The following MYO7A variants were observed in gnomAD, a reference collection of about 807,000 sequenced individuals.
MYO7A encodes myosin VIIA.
MYO7A carries 210 observed loss-of-function variants against 263.8 expected under a neutral mutation model. The observed-to-expected ratio is 0.80, with a 90% CI of 0.71 to 0.89. The LOEUF is 0.89. MYO7A is among the 40% of genes least tolerant of loss of function. MYO7A has a pLI of 0.00. For missense variants in MYO7A, 2,820 were observed against 2,968.3 expected (o/e 0.95, Z 1.16); for synonymous variants, 1,239 against 1,197.3 (o/e 1.03, Z -0.72).
At chr11:77,199,497 G>A (rs1373444374) in intron 34 of MYO7A, 38 bp from the exon 35 acceptor site, 1 of 1,442,994 alleles carries the variant, frequency 6.9e-7, no homozygotes, top group East Asian at 2.5e-5. Context: ...CCCACTGGTT[G>A]GGGCATGACT....
In MYO7A at chr11:77,213,845, T is replaced by C. The variant is rs775826284; in HGVS notation, c.6439-15T>C. On this transcript the variant is annotated splice_polypyrimidine_tract_variant and intron_variant, in intron 47 of 48. Transcript: ENST00000409709. ...GCCCAGGCCGTGCCTCTCTATGCCCTTTCTGCTCCCCCAGGATATCCTCAC... is the reference window on the plus strand; with the variant it reads ...GCCCAGGCCGTGCCTCTCTATGCCCCTTCTGCTCCCCCAGGATATCCTCAC... 1.4e-5 allele frequency: 23 copies of C among 1,613,966 alleles called. No homozygotes were observed. Among genetic ancestry groups the C allele is most frequent in the Non-Finnish European group, 1.9e-5 (22 of 1,179,864 alleles).
intron 4 of MYO7A, 132 bp from the exon 5 acceptor site, chr11:77,155,775 G>C: frequency 1.0e-6 from 1 of 997,328 alleles, no homozygotes; most frequent in East Asian, 2.7e-5. Flanking sequence ...TCTGGCTCCA[G>C]GTCCACCCAC....
intron 9 of MYO7A, 44 bp from the exon 10 acceptor site, chr11:77,159,403 G>GCCCCCCCCCCCCCC: frequency 1.4e-6 from 1 of 711,722 alleles, no homozygotes; most frequent in Non-Finnish European, 2.5e-6. Flanking sequence ...TGCCCCTGTT[G>GCCCCCCCCCCCCCC]CCCACCCTCC....
chr11:77,138,668 C>T lies in MYO7A; in HGVS notation c.19-4041C>T, dbSNP rs1022690181. 1.3e-5 allele frequency among the ~76,000 whole-genome samples: 2 copies of T among 152,260 alleles called. No homozygotes were observed. Among genetic ancestry groups the T allele is most frequent in the Admixed American group, 6.5e-5 (1 of 15,306 alleles). ...CCAAGCCAGGCAGGCCAGGTCTGGG[C>T]GGGGGTGTCCTGCATTTGCTGAGAT... On this transcript the variant is annotated intron_variant, in intron 2 of 48. Coordinates refer to ENST00000409709, the MANE Select transcript of MYO7A (RefSeq NM_000260.4). The surrounding 1 kb of genome is among the most constrained non-coding windows in gnomAD (Gnocchi z 4.9).
rs1953041354 is a variant in MYO7A at position 77,161,979 on chromosome 11, C to A, written c.1344-141C>A. 4 of 793,018 alleles carry A rather than the reference C, an allele frequency of 5.0e-6. No individual in the cohort carries two copies. The South Asian group carries it at 5.2e-5, about 10-fold the overall frequency. 49.1% of individuals were successfully genotyped at this position (793,018 alleles called of 1,614,324 possible). On this transcript the variant is annotated intron_variant, in intron 12 of 48. Transcript: ENST00000409709. ...TGCACCTGGAGGGAGGTGGACTTGA[C>A]AATTCCCCTCGCCTCTGAGTTTGGA...
At chr11:77,200,007 G>A (rs1419502086) in intron 35 of MYO7A, among the ~76,000 whole-genome samples, 189 bp downstream of exon 35, 1 of 152,200 alleles carries the variant, frequency 6.6e-6, no homozygotes, top group East Asian at 1.9e-4. Context: ...GGTGGCTTAT[G>A]CCTGCAATCC....
chr11:77,132,273 G>C (rs1397717696), intron 2 of MYO7A, among the ~76,000 whole-genome samples: 1 of 152,078 alleles, frequency 6.6e-6, no homozygotes, highest in Non-Finnish European at 1.5e-5. Flanking sequence ...TGCCTACCTG[G>C]GGCTTCCTGA....
chr11:77,145,538 C>T (rs1951500995), intron 3 of MYO7A, among the ~76,000 whole-genome samples: 1 of 152,188 alleles, frequency 6.6e-6, no homozygotes, highest in Non-Finnish European at 1.5e-5. Flanking sequence ...AGCCCTCTCC[C>T]CTCCTGTCCA....
At chr11:77,212,839 T>C in intron 46 of MYO7A, 113 bp from the exon 47 acceptor site, 1 of 871,216 alleles carries the variant, frequency 1.1e-6, no homozygotes, top group Non-Finnish European at 1.9e-6. Context: ...CAGTACCACA[T>C]AGGCAACAGG....
intron 4 of MYO7A, among the ~76,000 whole-genome samples, chr11:77,153,279 G>C (rs1429200481): frequency 6.6e-6 from 1 of 152,122 alleles, no homozygotes; most frequent in Admixed American, 6.5e-5. Context: ...GGGCTCCCCA[G>C]TTTCCTGCCC....
chr11:77,155,525 G>C (rs1555060778), intron 4 of MYO7A, among the ~76,000 whole-genome samples: 5 of 152,220 alleles, frequency 3.3e-5, no homozygotes. Flanking sequence ...TTGGGATACA[G>C]GGCCTGGAGG....
At chr11:77,208,939 C>A in intron 44 of MYO7A, 136 bp downstream of exon 44, 1 of 691,454 alleles carries the variant, frequency 1.4e-6, no homozygotes, top group Non-Finnish European at 2.5e-6. Flanking sequence ...CCTGCCAAGA[C>A]CACTGGAGCC....
rs1236488212 is a variant in MYO7A, at chr11:77,192,987, TGGAG to T, written c.4152+711_4152+714del. The stretch of plus-strand genomic sequence containing the variant: ...GTGATGGTGGAGGTAGTTGTGATGG[TGGAG>T]GTAGTGATGCTGTTGGTGATGGTGG... On this transcript the variant is annotated intron_variant, in intron 31 of 48. Coordinates refer to ENST00000409709, the MANE Select transcript of MYO7A (RefSeq NM_000260.4). 4.3e-4 allele frequency among the ~76,000 whole-genome samples: 40 copies of T among 94,070 alleles called. 12 individuals carry two copies. Among genetic ancestry groups the T allele is most frequent in the South Asian group, 8.3e-4 (3 of 3,630 alleles). 61.7% of individuals were successfully genotyped at this position (94,070 alleles called of 152,430 possible). A position where few individuals can be genotyped will look rare whatever the true frequency, so the allele number is the denominator to read the frequency against.
chr11:77,153,928 G>A (rs1952206179), intron 4 of MYO7A, among the ~76,000 whole-genome samples: 1 of 152,214 alleles, frequency 6.6e-6, no homozygotes, highest in Non-Finnish European at 1.5e-5. Flanking sequence ...GGGGATCATG[G>A]GCCAGACGGC....
chr11:77,156,872 TG>T lies in MYO7A; in HGVS notation c.604del (p.Ala202ProfsTer61), dbSNP rs781815916. The T allele has an allele frequency of 6.2e-7, 1 of 1,613,914 alleles. No homozygotes were observed. Among genetic ancestry groups the T allele is most frequent in the African/African-American group, 1.3e-5 (1 of 75,028 alleles). ...CTACTCACTCCGCAGCATTTGGGAA[TG>T]CCAAGACCATCCGCAATGACAACTC... The part of the protein sequence containing the change: ...ATPILEAFGN[A>X]KTIRNDNSSR... On this transcript the variant is annotated frameshift_variant, in exon 7 of 49. Coordinates refer to ENST00000409709, the MANE Select transcript of MYO7A (RefSeq NM_000260.4). LOFTEE classifies it high-confidence loss of function.
chr11:77,155,398 C>T (rs1555060652), intron 4 of MYO7A, among the ~76,000 whole-genome samples: 1 of 152,192 alleles, frequency 6.6e-6, no homozygotes, highest in Non-Finnish European at 1.5e-5. Flanking sequence ...CACCCAGCCC[C>T]CAAGCCACTT....
Position 77,202,374 on chromosome 11 carries a change from G to A in MYO7A, c.5118G>A (p.Glu1706=), listed in dbSNP as rs765319662. ...TGCAGCTGCGAACGGCGGAGCCCGAGGTGCGTGCCAAGCCCTACACGCTGG... is the reference window on the plus strand; with the variant it reads ...TGCAGCTGCGAACGGCGGAGCCCGAAGTGCGTGCCAAGCCCTACACGCTGG... ...RLLQLRTAEP[E]VRAKPYTLEE... is the part of the protein sequence containing the mutation. The change falls in exon 37 of 49, where the codon GAG becomes GAA. Residue 1706 remains glutamate (E), a synonymous_variant. Coordinates refer to ENST00000409709, the MANE Select transcript of MYO7A (RefSeq NM_000260.4). 6.4e-7 allele frequency: 1 copy of A among 1,560,490 alleles called. No homozygotes were observed. The highest frequency in any genetic ancestry group is 1.9e-5 in the Admixed American group (1 of 52,246).
intron 13 of MYO7A, 110 bp from the exon 14 acceptor site, chr11:77,162,743 A>C: frequency 6.9e-7 from 1 of 1,440,286 alleles, no homozygotes; most frequent in Non-Finnish European, 9.4e-7. Flanking sequence ...GGTAGAAATA[A>C]AAGGAGGGGA....
At position 77,201,429 on chromosome 11, in the gene MYO7A, AC is replaced by A. The variant is rs1416056069; in HGVS notation, c.4853-18del. On this transcript the variant is annotated intron_variant, in intron 35 of 48. Transcript: ENST00000409709. ...AGCCTGTCTCTGCCCCCATGGTCCC[AC>A]TCACCTCTGCTCTACAGCAGGCGAG... The A allele has an allele frequency of 6.2e-7, 1 of 1,608,738 alleles. No homozygotes were observed. Among genetic ancestry groups the A allele is most frequent in the African/African-American group, 1.3e-5 (1 of 74,942 alleles).
Sources: allele counts gnomAD v4.1 joint callset (sites outside exome capture counted in the v4.1 genomes callset), GRCh38; gene constraint gnomAD v4.1.1; non-coding constraint Gnocchi (gnomAD v3.1); transcripts MANE v1.5; gene names NCBI Gene and HGNC (gene_info 2026-07-23, HGNC 2026-07-21).